Variants in GAS7 observed in about 807,000 individuals in gnomAD.
GAS7 encodes growth arrest specific 7, also known as growth arrest-specific protein 7.
GAS7 carries 28 observed loss-of-function variants against 71.1 expected under a neutral mutation model. The observed-to-expected ratio is 0.39, with a 90% confidence interval of 0.29 to 0.54. The LOEUF is 0.54. Among genes scored for constraint, GAS7 ranks in the 20% least tolerant of loss-of-function variants. The pLI, the probability that GAS7 is intolerant of heterozygous loss-of-function variation, is 0.62. For synonymous variants in GAS7, 258 were observed against 245.8 expected, an observed-to-expected ratio of 1.05 and a Z score of -0.46; for missense variants, 436 against 627.8, an observed-to-expected ratio of 0.69 and a Z score of 3.27.
At chr17:10,063,872 G>A (rs546721859) in intron 1 of GAS7, among the ~76,000 whole-genome samples, 31 of 152,234 alleles carry the variant, frequency 2.0e-4, no homozygotes, top group African/African-American at 5.5e-4. Context: ...GAGGGGGGCA[G>A]AGGAAGCATC....
chr17:9,970,644 A>G (rs2069923960), intron 3 of GAS7, among the ~76,000 whole-genome samples: 1 of 151,282 alleles, frequency 6.6e-6, no homozygotes, highest in Admixed American at 6.6e-5. Context: ...AAACAAAACA[A>G]AACAAAACAA....
At chr17:10,156,666 A>G (rs966387126) in intron 1 of GAS7, among the ~76,000 whole-genome samples, 1 of 152,160 alleles carries the variant, frequency 6.6e-6, no homozygotes, top group East Asian at 1.9e-4. Context: ...TAGGAGATGA[A>G]GGTTCATGAG....
At chr17:10,176,514 G>T (rs2142137381) in intron 1 of GAS7, among the ~76,000 whole-genome samples, 1 of 152,340 alleles carries the variant, frequency 6.6e-6, no homozygotes, top group Non-Finnish European at 1.5e-5. Flanking sequence ...AGCAGAATGG[G>T]TGTCACCACC....
chr17:10,056,672 C>A (rs1011217454), intron 1 of GAS7, among the ~76,000 whole-genome samples: 40 of 152,122 alleles, frequency 2.6e-4, no homozygotes, highest in African/African-American at 9.4e-4. Context: ...GAGATCGAGA[C>A]CATCCTGGCT....
chr17:10,072,164 CT>C (rs2073346582), intron 1 of GAS7, among the ~76,000 whole-genome samples: 1 of 152,024 alleles, frequency 6.6e-6, no homozygotes, highest in East Asian at 1.9e-4. Context: ...ATCCCTAGGG[CT>C]GGAGGTAGGG....
At chr17:10,028,911 C>G (rs1432529941) in intron 1 of GAS7, among the ~76,000 whole-genome samples, 1 of 152,034 alleles carries the variant, frequency 6.6e-6, no homozygotes, top group Admixed American at 6.5e-5. Context: ...AACAGCAAAC[C>G]AAGACATGGA....
intron 5 of GAS7, among the ~76,000 whole-genome samples, chr17:9,954,141 G>A (rs2069130661): frequency 6.6e-6 from 1 of 152,204 alleles, no homozygotes. Flanking sequence ...CAGGATGAGA[G>A]GATATGCCCT....
At chr17:9,973,066 G>GAA (rs999212645) in intron 3 of GAS7, among the ~76,000 whole-genome samples, 1 of 152,126 alleles carries the variant, frequency 6.6e-6, no homozygotes, top group African/African-American at 2.4e-5. Context: ...GAACGGAATA[G>GAA]AAAAGTGGTA....
intron 3 of GAS7, among the ~76,000 whole-genome samples, chr17:9,979,152 A>G (rs2070317501): frequency 6.6e-6 from 1 of 152,260 alleles, no homozygotes; most frequent in Non-Finnish European, 1.5e-5. Flanking sequence ...ACTGAGTTAA[A>G]TAGGTTTCTT....
chr17:10,152,431 C>A (rs2074173519), intron 1 of GAS7, among the ~76,000 whole-genome samples: 1 of 152,212 alleles, frequency 6.6e-6, no homozygotes, highest in African/African-American at 2.4e-5. Flanking sequence ...AGCATCACTT[C>A]CCAGTGAAGA....
rs1431233606 is a variant in GAS7, at chr17:10,034,985, A to G, written c.184-15088T>C. Among the ~76,000 whole-genome samples, 1 of 152,058 alleles carries G rather than the reference A, an allele frequency of 6.6e-6. No individual in the cohort carries two copies. The highest frequency in any genetic ancestry group is 1.9e-4 in the East Asian group (1 of 5,174). On this transcript the variant is annotated intron_variant, in intron 1 of 13. Coordinates refer to ENST00000432992, the MANE Select transcript of GAS7 (RefSeq NM_201433.2). The surrounding 1 kb of genome is among the most constrained non-coding windows in gnomAD (Gnocchi z 4.4). ...CCAGTGGAATTTTTCTGGGCCTGTT[A>G]GCAGTTAGCACTTCTGGCTGACTGC...
intron 1 of GAS7, among the ~76,000 whole-genome samples, chr17:10,079,457 AAT>A (rs1325309561): frequency 6.6e-6 from 1 of 152,158 alleles, no homozygotes; most frequent in Non-Finnish European, 1.5e-5. Context: ...TCTGATAAGA[AAT>A]ACTTACAACC....
intron 1 of GAS7, among the ~76,000 whole-genome samples, chr17:10,077,644 C>T (rs1447029113): frequency 6.6e-6 from 1 of 152,180 alleles, no homozygotes; most frequent in African/African-American, 2.4e-5. Context: ...CGGGTTGACT[C>T]TCAAGGCAAA....
chr17:9,921,149 AT>A, intron 11 of GAS7, among the ~76,000 whole-genome samples: 1 of 144,602 alleles, frequency 6.9e-6, no homozygotes, highest in Middle Eastern at 3.5e-3. Flanking sequence ...CGTAAAATGC[AT>A]TTTTTTCTTT....
Position 10,142,319 on chromosome 17 carries a change from A to G in GAS7, c.183+55889T>C, listed in dbSNP as rs573297574. 1.6e-4 allele frequency among the ~76,000 whole-genome samples: 24 copies of G among 152,354 alleles called. 1 individual carries two copies. The South Asian group carries it at 4.8e-3, about 30-fold the overall frequency. ...AATTATTGGAAGAAATGTACACACA[A>G]AGTCAATAAAACTGATCATATAGTA... On this transcript the variant is annotated intron_variant, in intron 1 of 13. Coordinates refer to ENST00000432992, the MANE Select transcript of GAS7 (RefSeq NM_201433.2).
intron 1 of GAS7, among the ~76,000 whole-genome samples, chr17:10,126,446 G>A (rs192201747): frequency 0.065 from 9,637 of 147,522 alleles, 397 homozygotes; most frequent in Non-Finnish European, 0.094. Context: ...GCACACACGC[G>A]CGCGCGCACA....
intron 1 of GAS7, among the ~76,000 whole-genome samples, chr17:10,178,365 C>T (rs537250523): frequency 6.6e-5 from 10 of 152,280 alleles, no homozygotes; most frequent in Non-Finnish European, 1.3e-4. Flanking sequence ...CCCCCACCCC[C>T]ACACTCTCTG....
At chr17:9,922,492 G>T (rs1178496139) in intron 11 of GAS7, among the ~76,000 whole-genome samples, 1 of 152,222 alleles carries the variant, frequency 6.6e-6, no homozygotes, top group Non-Finnish European at 1.5e-5. Flanking sequence ...CCTGCAGGGG[G>T]ACTGTGCTGA....
At chr17:10,111,615 C>G (rs2073814785) in intron 1 of GAS7, among the ~76,000 whole-genome samples, 1 of 151,914 alleles carries the variant, frequency 6.6e-6, no homozygotes, top group Non-Finnish European at 1.5e-5. Flanking sequence ...ACCCAGGAGG[C>G]AGAGGGTACA....
Sources: allele counts gnomAD v4.1 joint callset (sites outside exome capture counted in the v4.1 genomes callset), GRCh38; gene constraint gnomAD v4.1.1; non-coding constraint Gnocchi (gnomAD v3.1); transcripts MANE v1.5; gene names NCBI Gene and HGNC (gene_info 2026-07-23, HGNC 2026-07-21).